KPNB1: variants seen among roughly 807,000 people sequenced by gnomAD.
The protein encoded by KPNB1 is karyopherin subunit beta 1.
KPNB1 carries 7 observed loss-of-function variants against 113.0 expected under a neutral mutation model. The observed-to-expected ratio is 0.06, with a 90% CI of 0.04 to 0.12. The LOEUF (loss-of-function observed/expected upper bound fraction) is 0.12, where lower values mean the gene tolerates loss of function less well. Ranked by LOEUF, KPNB1 falls within the 10% of genes least tolerant of loss-of-function variation. The probability of loss-of-function intolerance (pLI) is 1.00; values close to 1 mark genes in which losing one functional copy is unlikely to be tolerated. For missense variants in KPNB1, 400 were observed against 1,054.8 expected, an observed-to-expected ratio of 0.38 and a Z score of 8.60; for synonymous variants, 363 against 378.6, an observed-to-expected ratio of 0.96 and a Z score of 0.48.
At chr17:47,657,146 A>G in intron 4 of KPNB1, 86 bp downstream of exon 4, 1 of 1,134,644 alleles carries the variant, frequency 8.8e-7, no homozygotes, top group Non-Finnish European at 1.3e-6. Context: ...ACCTTATTGA[A>G]TCACGAAGAA....
chr17:47,658,606 T>C lies in KPNB1; in HGVS notation c.582T>C (p.Ala194=). ...CTAGTAATAATGTGAAGCTAGCTGC[T>C]ACGAATGCACTCCTGAACTCATTGG... is the stretch of plus-strand genomic sequence containing the variant. ...EEPSNNVKLA[A]TNALLNSLEF... is the part of the protein sequence containing the mutation. The change falls in exon 5 of 22, where the codon GCT becomes GCC. Residue 194 remains alanine (A), a synonymous_variant. Transcript: ENST00000290158. 6.2e-7 allele frequency: 1 copy of C among 1,614,050 alleles called. No homozygotes were observed. The highest frequency in any genetic ancestry group is 8.5e-7 in the Non-Finnish European group (1 of 1,180,030).
At chr17:47,660,707 A>G (rs147316073) in intron 5 of KPNB1, among the ~76,000 whole-genome samples, 570 of 152,330 alleles carry the variant, frequency 3.7e-3, no homozygotes, top group Middle Eastern at 6.8e-3. Context: ...TGAATTTGCT[A>G]CCTCTCAGAA....
chr17:47,660,654 T>C (rs1597926551), intron 5 of KPNB1, among the ~76,000 whole-genome samples: 1 of 152,320 alleles, frequency 6.6e-6, no homozygotes, highest in South Asian at 2.1e-4. Context: ...TTTAGGAGGG[T>C]AGCACATAAA....
chr17:47,656,176 T>C (rs1390501475), intron 3 of KPNB1, among the ~76,000 whole-genome samples: 1 of 152,062 alleles, frequency 6.6e-6, no homozygotes, highest in Non-Finnish European at 1.5e-5. Flanking sequence ...GGAGAATCGC[T>C]TGAACCCAGA....
In KPNB1 at chr17:47,650,382, C is replaced by T; in HGVS notation, c.41-4C>T. Reference sequence around the variant, plus strand: ...CGCTCCGTCTCCCACTTTCCTCCCCCTAGATCGGCTGGAGCTGGAAGCGGC... The same window carrying T: ...CGCTCCGTCTCCCACTTTCCTCCCCTTAGATCGGCTGGAGCTGGAAGCGGC... On this transcript the variant is annotated splice_polypyrimidine_tract_variant and splice_region_variant and intron_variant, in intron 1 of 21. Transcript: ENST00000290158. The T allele has an allele frequency of 1.2e-6, 2 of 1,611,962 alleles. No individual in the cohort carries two copies. The highest frequency in any genetic ancestry group is 8.5e-7 in the Non-Finnish European group (1 of 1,179,462).
rs1216018374 is a variant in KPNB1 at position 47,680,568 on chromosome 17, C to T, written c.2529C>T (p.Ile843=). The part of the protein sequence containing the change: ...VLKLVEARPM[I]HELLTEGRRS... Reference sequence around the variant, plus strand: ...AATTAGTAGAAGCTAGGCCAATGATCCATGAATTGTTAACTGAAGGGCGGA... The same window carrying T: ...AATTAGTAGAAGCTAGGCCAATGATTCATGAATTGTTAACTGAAGGGCGGA... The change falls in exon 21 of 22, where the codon ATC becomes ATT. Residue 843 remains isoleucine, a synonymous_variant. Transcript: ENST00000290158. 6.2e-7 allele frequency: 1 copy of T among 1,614,100 alleles called. No homozygotes were observed. Among genetic ancestry groups the T allele is most frequent in the Non-Finnish European group, 8.5e-7 (1 of 1,179,970 alleles).
At chr17:47,667,467 C>T (rs1298796414) in intron 9 of KPNB1, among the ~76,000 whole-genome samples, 1 of 151,546 alleles carries the variant, frequency 6.6e-6, no homozygotes, top group East Asian at 1.9e-4. Context: ...ATGTCTTCTT[C>T]CCAGTCATGA....
chr17:47,657,045 T>C lies in KPNB1; in HGVS notation c.468T>C (p.Tyr156=), dbSNP rs1283547125. ...MKESTLEAIG[Y]ICQDIDPEQL... Reference sequence around the variant, plus strand: ...AGTCGACATTGGAAGCCATCGGTTATATTTGCCAAGATATAGTAAGTGCTT... The same window carrying C: ...AGTCGACATTGGAAGCCATCGGTTACATTTGCCAAGATATAGTAAGTGCTT... The change falls in exon 4 of 22, where the codon TAT becomes TAC. Residue 156 remains tyrosine (Y), a synonymous_variant. Coordinates refer to ENST00000290158, the MANE Select transcript of KPNB1 (RefSeq NM_002265.6). The C allele has an allele frequency of 1.2e-6, 2 of 1,613,880 alleles. No homozygotes were observed. Among genetic ancestry groups the C allele is most frequent in the African/African-American group, 2.7e-5 (2 of 74,930 alleles).
chr17:47,649,979 C>G lies in KPNB1; in HGVS notation c.-266C>G. On this transcript the variant is annotated 5_prime_UTR_variant, in exon 1 of 22. Coordinates refer to ENST00000290158, the MANE Select transcript of KPNB1 (RefSeq NM_002265.6). ...CTTCCTTCTTTCTCCCTCCGCCTCC[C>G]GAGCACCAGCGCGCTCTGAGCTGCC... 1 of 1,326,502 alleles carries G rather than the reference C, an allele frequency of 7.5e-7. No homozygotes were observed. Among genetic ancestry groups the G allele is most frequent in the South Asian group, 2.1e-5 (1 of 48,040 alleles). The allele number at this position is 1,326,502 out of a possible 1,614,324, so 82.2% of individuals were successfully genotyped here. A position where few individuals can be genotyped will look rare whatever the true frequency, so the allele number is the denominator to read the frequency against.
At chr17:47,666,563 T>C (rs1213685153) in intron 9 of KPNB1, among the ~76,000 whole-genome samples, 1 of 143,428 alleles carries the variant, frequency 7.0e-6, no homozygotes, top group African/African-American at 2.5e-5. Context: ...TTATGTTATA[T>C]GTTATATATT....
At chr17:47,650,576 C>A (rs1174655520) in intron 2 of KPNB1, 132 bp downstream of exon 2, 3 of 751,750 alleles carry the variant, frequency 4.0e-6, no homozygotes, top group East Asian at 5.5e-5. Flanking sequence ...CCTCCCCCTC[C>A]CCCCCCAACC....
chr17:47,676,349 C>A, intron 15 of KPNB1, 60 bp from the exon 16 acceptor site: 1 of 1,230,524 alleles, frequency 8.1e-7, no homozygotes, highest in Non-Finnish European at 1.2e-6. Flanking sequence ...TGGGTTATTT[C>A]TGCCTGCCTC....
intron 11 of KPNB1, chr17:47,670,484 A>G (rs146133987): frequency 5.7e-5 from 23 of 403,618 alleles, no homozygotes; most frequent in Non-Finnish European, 1.0e-4. Flanking sequence ...TCTGCTGCTT[A>G]GAGAGTTGTC....
In KPNB1 at chr17:47,658,135, A is replaced by G. The variant is rs573057299; in HGVS notation, c.484-373A>G. Among the ~76,000 whole-genome samples, 3 of 152,278 alleles carry G rather than the reference A, an allele frequency of 2.0e-5. No homozygotes were observed. The South Asian group carries it at 6.2e-4, about 32-fold the overall frequency. The stretch of plus-strand genomic sequence containing the variant: ...CTTCTGTCGTGAAGCTCCTTATGGC[A>G]GTCTTTTGGAGGGGATTGATTCCAG... On this transcript the variant is annotated intron_variant, in intron 4 of 21. Transcript: ENST00000290158.
intron 2 of KPNB1, among the ~76,000 whole-genome samples, chr17:47,650,793 A>T (rs1319608575): frequency 2.0e-5 from 3 of 152,086 alleles, no homozygotes; most frequent in Non-Finnish European, 4.4e-5. Flanking sequence ...GGGGCGGGGG[A>T]GTCGGGCCTA....
In KPNB1 at chr17:47,682,354, T is replaced by C. The variant is rs540912586; in HGVS notation, c.*-50T>C. The C allele has an allele frequency of 2.3e-5, 18 of 780,640 alleles. No homozygotes were observed. The South Asian group carries it at 2.4e-4, about 10-fold the overall frequency. 48.4% of individuals were successfully genotyped at this position (780,640 alleles called of 1,614,324 possible). Reference sequence around the variant, plus strand: ...GTAGGAGTCAGCATTATTGGCTCTGTTGGGTATATGTGATCTCAAAGATTG... The same window carrying C: ...GTAGGAGTCAGCATTATTGGCTCTGCTGGGTATATGTGATCTCAAAGATTG... On this transcript the variant is annotated intron_variant, in intron 21 of 21. Transcript: ENST00000290158.
At chr17:47,665,978 A>T (rs1369477111) in intron 9 of KPNB1, among the ~76,000 whole-genome samples, 1 of 152,166 alleles carries the variant, frequency 6.6e-6, no homozygotes, top group Non-Finnish European at 1.5e-5. Flanking sequence ...CTAAGTAGGG[A>T]TGTGTTTGGA....
At chr17:47,665,249 C>T in intron 9 of KPNB1, 91 bp downstream of exon 9, 5 of 939,930 alleles carry the variant, frequency 5.3e-6, no homozygotes, top group East Asian at 2.5e-5. Flanking sequence ...CTTCGCAGCC[C>T]ATCAACTATT....
intron 2 of KPNB1, among the ~76,000 whole-genome samples, chr17:47,652,480 A>G (rs1272320876): frequency 6.6e-6 from 1 of 152,174 alleles, no homozygotes; most frequent in East Asian, 1.9e-4. Context: ...GCTCCACGAG[A>G]AAAGTGGAAG....
Sources: gnomAD v4.1 joint callset for allele counts (sites outside exome capture counted in the v4.1 genomes callset) on GRCh38, gnomAD v4.1.1 for gene constraint, MANE v1.5 for transcripts, NCBI Gene and HGNC (gene_info 2026-07-23, HGNC 2026-07-21) for gene names.